Variants in VWCE observed in about 807,000 individuals in gnomAD.
The protein encoded by VWCE is von Willebrand factor C and EGF domains.
A neutral mutation model predicts 102.9 loss-of-function variants in VWCE; 68 were observed. The ratio of observed to expected loss-of-function variants is 0.66; its 90% CI spans 0.54 to 0.81. The LOEUF is 0.81. Ranked by LOEUF, VWCE falls within the 30% of genes least tolerant of loss-of-function variation. VWCE has a pLI of 0.00. For synonymous variants in VWCE, 497 were observed against 515.4 expected (o/e 0.96, Z 0.48); for missense variants, 1,137 against 1,263.6 (o/e 0.90, Z 1.52).
chr11:61,282,326 C>G (rs1855170212), intron 6 of VWCE, among the ~76,000 whole-genome samples: 1 of 152,192 alleles, frequency 6.6e-6, no homozygotes, highest in African/African-American at 2.4e-5. Flanking sequence ...AGAACAAGGT[C>G]TTTTTTCAGG....
chr11:61,267,601 C>T (rs1480987484), intron 15 of VWCE, 57 bp from the exon 16 acceptor site: 1 of 1,549,004 alleles, frequency 6.5e-7, no homozygotes, highest in Non-Finnish European at 8.9e-7. Context: ...ACCAGGCTTC[C>T]CGCCAGGGCC....
In VWCE at chr11:61,295,041, C is replaced by G. The variant is rs879351853; in HGVS notation, c.-4G>C. 5.8e-5 allele frequency: 79 copies of G among 1,364,742 alleles called. No homozygotes were observed. Among genetic ancestry groups the G allele is most frequent in the Non-Finnish European group, 7.3e-5 (77 of 1,054,966 alleles). The allele number at this position is 1,364,742 out of a possible 1,614,324, so 84.5% of individuals were successfully genotyped here. On this transcript the variant is annotated 5_prime_UTR_variant, in exon 1 of 20. Transcript: ENST00000335613. This position sits in a 1 kb window ranked among gnomAD's most constrained non-coding sequence, Gnocchi z 4.6. ...GAAGGAGCAGTCCGGCCCACATGAC[C>G]GGCGGCGGCGGGTCCCCCGGGCTGG...
intron 15 of VWCE, among the ~76,000 whole-genome samples, chr11:61,268,718 G>A (rs535789348): frequency 6.6e-6 from 1 of 152,286 alleles, no homozygotes; most frequent in African/African-American, 2.4e-5. Context: ...TGCACCGTAA[G>A]CCCTGCGTGT....
At chr11:61,275,852 C>T (rs61537602) in intron 11 of VWCE, among the ~76,000 whole-genome samples, 1,703 of 152,238 alleles carry the variant, frequency 0.011, 37 homozygotes, top group African/African-American at 0.038. Context: ...CCTTCCCTGC[C>T]CTGGGACAGA....
chr11:61,281,897 T>C lies in VWCE; in HGVS notation c.676A>G (p.Arg226Gly). ...HSCVDVNECR[R>G]PLERRVCHHS... ...TGACAGACTCGCCTCTCCAATGGCC[T>C]CCGACACTCGTTTACATCTGCGGGA... The change falls in exon 7 of 20, where the codon AGG becomes GGG. Residue 226 changes from arginine to glycine, a missense_variant. This residue lies in a region of VWCE where 575 missense variants were observed against 625.9 expected (regional missense o/e 0.92). Coordinates refer to ENST00000335613, the MANE Select transcript of VWCE (RefSeq NM_152718.2). 1.2e-6 allele frequency: 2 copies of C among 1,613,610 alleles called. No individual in the cohort carries two copies. The highest frequency in any genetic ancestry group is 1.7e-6 in the Non-Finnish European group (2 of 1,179,720).
At chr11:61,287,108 A>AAAAAG (rs768293506) in intron 4 of VWCE, among the ~76,000 whole-genome samples, 3 of 152,138 alleles carry the variant, frequency 2.0e-5, no homozygotes, top group East Asian at 1.9e-4. Context: ...AGAAAGAAAA[A>AAAAAG]AAAAGAAAAG....
chr11:61,285,283 TAAAG>T (rs1855280419), intron 5 of VWCE, among the ~76,000 whole-genome samples: 1 of 152,034 alleles, frequency 6.6e-6, no homozygotes, highest in African/African-American at 2.4e-5. Flanking sequence ...ATGTCAAACA[TAAAG>T]AAAATAATAA....
chr11:61,281,037 G>A lies in VWCE; in HGVS notation c.986C>T (p.Ser329Phe), dbSNP rs200508003. The A allele has an allele frequency of 6.9e-6, 11 of 1,583,054 alleles. No individual in the cohort carries two copies. The African/African-American group carries it at 9.4e-5, about 14-fold the overall frequency. ...CAGCAGCCACACAGGGGCAGAAGGG[G>A]AGGATGTGGGTAGTCGTGGGGTGGG... is the stretch of plus-strand genomic sequence containing the variant. ...PSPTPRLPTS[S>F]PSAPVWLLST... Residue 329 changes from serine to phenylalanine, a missense_variant, in exon 8 of 20, where the codon TCC becomes TTC. Coordinates refer to ENST00000335613, the MANE Select transcript of VWCE (RefSeq NM_152718.2).
rs1270962278 is a variant in VWCE, at chr11:61,294,896, CG to C, written c.110+31del. 9 of 1,346,734 alleles carry C rather than the reference CG, an allele frequency of 6.7e-6. No individual in the cohort carries two copies. The highest frequency in any genetic ancestry group is 2.8e-4 in the Middle Eastern group (1 of 3,622). 83.4% of individuals were successfully genotyped at this position (1,346,734 alleles called of 1,614,324 possible). On this transcript the variant is annotated intron_variant, in intron 1 of 19. Transcript: ENST00000335613. This position sits in a 1 kb window ranked among gnomAD's most constrained non-coding sequence, Gnocchi z 6.3. ...TGCACGCCGGTAGCGCTCTCCCGGG[CG>C]GGGGAGCGGGGAGGAGCTCCGGGCG...
intron 19 of VWCE, among the ~76,000 whole-genome samples, chr11:61,262,523 C>A (rs1854390299): frequency 3.9e-5 from 6 of 152,184 alleles, no homozygotes; most frequent in Admixed American, 3.9e-4. Context: ...AGCTAGCAAT[C>A]AGTCTCTAGA....
rs2134775036 is a variant in VWCE, at chr11:61,273,187, G to A, written c.1699+12C>T. 6.2e-7 allele frequency: 1 copy of A among 1,613,226 alleles called. No individual in the cohort carries two copies. Among genetic ancestry groups the A allele is most frequent in the Non-Finnish European group, 8.5e-7 (1 of 1,179,284 alleles). ...CCATGCCCTGTGTCGGGGCAGCCCTGGACCAGCTCACCTGTCGAGGGTGTG... is the reference window on the plus strand; with the variant it reads ...CCATGCCCTGTGTCGGGGCAGCCCTAGACCAGCTCACCTGTCGAGGGTGTG... On this transcript the variant is annotated intron_variant, in intron 13 of 19. Coordinates refer to ENST00000335613, the MANE Select transcript of VWCE (RefSeq NM_152718.2).
At position 61,264,522 on chromosome 11, in the gene VWCE, G is replaced by A; in HGVS notation, c.2195C>T (p.Ala732Val). 1.2e-6 allele frequency: 2 copies of A among 1,613,530 alleles called. No individual in the cohort carries two copies. The highest frequency in any genetic ancestry group is 1.7e-6 in the Non-Finnish European group (2 of 1,179,832). The change falls in exon 19 of 20, where the codon GCC becomes GTC. Residue 732 changes from alanine to valine, a missense_variant. Around this residue, in one of 5 missense-constraint regions of VWCE, gnomAD observed 316 missense variants for 319.3 expected, o/e 0.99. Coordinates refer to ENST00000335613, the MANE Select transcript of VWCE (RefSeq NM_152718.2). ...AGAGCAGCAGTCCCCAGGAAGCAGG[G>A]CAGGGTCGGCACAGGCCCGCTGGCA... ...VPCQRACADPALLPGDCCSSC... is the reference protein window; with the variant it reads ...VPCQRACADPVLLPGDCCSSC...
At chr11:61,267,966 C>T (rs1854562156) in intron 15 of VWCE, among the ~76,000 whole-genome samples, 1 of 152,106 alleles carries the variant, frequency 6.6e-6, no homozygotes, top group South Asian at 2.1e-4. Context: ...ACTCCCCTCT[C>T]TGATTCCTGA....
rs541463842 is a variant in VWCE, at chr11:61,288,116, C to A, written c.425-1686G>T. 5.6e-5 allele frequency among the ~76,000 whole-genome samples: 8 copies of A among 142,554 alleles called. No individual in the cohort carries two copies. In the East Asian group the frequency reaches 1.4e-3, roughly 25 times the overall value. The allele number at this position is 142,554 out of a possible 152,430, so 93.5% of individuals were successfully genotyped here. A position where few individuals can be genotyped will look rare whatever the true frequency, so the allele number is the denominator to read the frequency against. ...AGGTTGCAGTGAGCCGAGATCGCAC[C>A]ACTGCACTCCAGCCTAGCAACAGAG... On this transcript the variant is annotated intron_variant, in intron 4 of 19. Transcript: ENST00000335613.
chr11:61,281,690 G>A, intron 7 of VWCE, 96 bp downstream of exon 7: 2 of 1,434,810 alleles, frequency 1.4e-6, no homozygotes, highest in South Asian at 1.5e-5. Flanking sequence ...CGCCGGGAGG[G>A]CGTGACGGGG....
At chr11:61,276,093 G>A (rs1240550486) in intron 11 of VWCE, among the ~76,000 whole-genome samples, 1 of 152,174 alleles carries the variant, frequency 6.6e-6, no homozygotes, top group Non-Finnish European at 1.5e-5. Flanking sequence ...CAAAAGACAT[G>A]CTCCCCTACA....
At chr11:61,282,760 T>C in intron 6 of VWCE, 29 bp downstream of exon 6, 1 of 1,584,990 alleles carries the variant, frequency 6.3e-7, no homozygotes, top group Non-Finnish European at 8.7e-7. Context: ...AGCCTAAGTG[T>C]GCAGACCACA....
At position 61,273,190 on chromosome 11, in the gene VWCE, C is replaced by A; in HGVS notation, c.1699+9G>T. The A allele has an allele frequency of 6.2e-7, 1 of 1,613,860 alleles. No individual in the cohort carries two copies. Among genetic ancestry groups the A allele is most frequent in the Non-Finnish European group, 8.5e-7 (1 of 1,179,836 alleles). The stretch of plus-strand genomic sequence containing the variant: ...TGCCCTGTGTCGGGGCAGCCCTGGA[C>A]CAGCTCACCTGTCGAGGGTGTGGGC... On this transcript the variant is annotated intron_variant, in intron 13 of 19. Transcript: ENST00000335613.
chr11:61,287,546 A>G (rs756396557), intron 4 of VWCE, among the ~76,000 whole-genome samples: 1 of 113,926 alleles, frequency 8.8e-6, no homozygotes, highest in Non-Finnish European at 1.5e-5. Context: ...AAATGTGACT[A>G]ACTAAGACAC....
Sources: allele counts gnomAD v4.1 joint callset (sites outside exome capture counted in the v4.1 genomes callset), GRCh38; gene constraint gnomAD v4.1.1; regional missense constraint gnomAD v4.1.1; non-coding constraint Gnocchi (gnomAD v3.1); transcripts MANE v1.5; gene names NCBI Gene and HGNC (gene_info 2026-07-23, HGNC 2026-07-21).